The following RAB8B variants were observed in gnomAD, a reference collection of about 807,000 sequenced individuals.
The protein encoded by RAB8B is RAB8B, member RAS oncogene family.
In RAB8B, 11 loss-of-function variants were observed where a neutral mutation model predicts 32.0. The ratio of observed to expected loss-of-function variants is 0.34; its 90% CI spans 0.22 to 0.57. The LOEUF (loss-of-function observed/expected upper bound fraction) is 0.57. Ranked by LOEUF, RAB8B falls within the 20% of genes least tolerant of loss-of-function variation. The pLI is 0.86. For synonymous variants in RAB8B, 103 were observed against 89.6 expected (o/e 1.15, Z -0.85); for missense variants, 190 against 258.5 (o/e 0.73, Z 1.82).
chr15:63,210,617 C>T (rs2037738793), intron 1 of RAB8B, among the ~76,000 whole-genome samples: 1 of 152,154 alleles, frequency 6.6e-6, no homozygotes, highest in Admixed American at 6.5e-5. Context: ...CACACCAAAG[C>T]ACTGAGATAA....
chr15:63,198,532 T>A (rs2037622153), intron 1 of RAB8B, among the ~76,000 whole-genome samples: 1 of 152,092 alleles, frequency 6.6e-6, no homozygotes, highest in Non-Finnish European at 1.5e-5. Flanking sequence ...CTCAGTTAGG[T>A]ATAGAATCCC....
rs138108296 is a variant in RAB8B, at chr15:63,217,769, C to T, written c.125-26987C>T. ...GTAAAACGTGATAAAGACAGTTTTT[C>T]GGGAGAGAGAAGGGTAGATCGCTAT... On this transcript the variant is annotated intron_variant, in intron 1 of 7. Transcript: ENST00000321437. Among the ~76,000 whole-genome samples, 462 of 152,154 alleles carry T rather than the reference C, an allele frequency of 3.0e-3. 1 individual carries two copies. Among genetic ancestry groups the T allele is most frequent in the Non-Finnish European group, 4.6e-3 (316 of 67,984 alleles).
At chr15:63,190,597 G>T (rs1230294872) in intron 1 of RAB8B, among the ~76,000 whole-genome samples, 1 of 152,184 alleles carries the variant, frequency 6.6e-6, no homozygotes, top group African/African-American at 2.4e-5. Flanking sequence ...AAGTGCAGGA[G>T]AAAGCAAAAT....
chr15:63,199,670 TG>T (rs1271518835), intron 1 of RAB8B, among the ~76,000 whole-genome samples: 1 of 152,184 alleles, frequency 6.6e-6, no homozygotes, highest in Non-Finnish European at 1.5e-5. Flanking sequence ...GTTTGTTTTT[TG>T]TTTCTTTGTG....
intron 1 of RAB8B, among the ~76,000 whole-genome samples, chr15:63,204,150 C>T (rs985861347): frequency 2.0e-5 from 3 of 151,852 alleles, no homozygotes; most frequent in Non-Finnish European, 4.4e-5. Context: ...AAAATATGAG[C>T]GGGAGCATTC....
At chr15:63,218,483 A>T (rs1038397361) in intron 1 of RAB8B, among the ~76,000 whole-genome samples, 1 of 152,170 alleles carries the variant, frequency 6.6e-6, no homozygotes, top group Non-Finnish European at 1.5e-5. Context: ...GGGTTATCTA[A>T]TCTGAAGCTC....
chr15:63,238,787 A>G (rs1263361195), intron 1 of RAB8B, among the ~76,000 whole-genome samples: 2 of 152,184 alleles, frequency 1.3e-5, no homozygotes, highest in Non-Finnish European at 2.9e-5. Context: ...CTAAATTTAG[A>G]GAATGGATTT....
intron 3 of RAB8B, among the ~76,000 whole-genome samples, chr15:63,252,974 C>T (rs1238219846): frequency 6.6e-6 from 1 of 152,228 alleles, no homozygotes; most frequent in African/African-American, 2.4e-5. Context: ...TCTCAAACTC[C>T]TGATCTCAGG....
chr15:63,259,436 A>AT lies in RAB8B; in HGVS notation c.415-190dup, dbSNP rs1332407917. Among the ~76,000 whole-genome samples, 2 of 152,328 alleles carry AT rather than the reference A, an allele frequency of 1.3e-5. No individual in the cohort carries two copies. The highest frequency in any genetic ancestry group is 4.8e-5 in the African/African-American group (2 of 41,586). On this transcript the variant is annotated intron_variant, in intron 5 of 7. Coordinates refer to ENST00000321437, the MANE Select transcript of RAB8B (RefSeq NM_016530.3). This position sits in a 1 kb window ranked among gnomAD's most constrained non-coding sequence, Gnocchi z 4.4. ...TTATGTTTGAAATGGAAGTTGTGCC[A>AT]TCCTTCTTACGATGATTAAGTTAAA... is the stretch of plus-strand genomic sequence containing the variant.
At chr15:63,214,269 G>A (rs1400658806) in intron 1 of RAB8B, among the ~76,000 whole-genome samples, 1 of 149,538 alleles carries the variant, frequency 6.7e-6, no homozygotes, top group Non-Finnish European at 1.5e-5. Context: ...TTGGAAATGG[G>A]TACGCTCAGT....
intron 1 of RAB8B, chr15:63,223,706 G>C (rs1246877151): frequency 3.9e-6 from 1 of 256,370 alleles, no homozygotes; most frequent in Non-Finnish European, 8.1e-6. Context: ...ACTTGTACTG[G>C]TTGTTAAGTG....
At chr15:63,200,477 T>C (rs958837777) in intron 1 of RAB8B, among the ~76,000 whole-genome samples, 1 of 152,184 alleles carries the variant, frequency 6.6e-6, no homozygotes, top group Admixed American at 6.5e-5. Flanking sequence ...TTTCAAATAG[T>C]CTCATTTACT....
At chr15:63,241,075 G>C (rs976843431) in intron 1 of RAB8B, among the ~76,000 whole-genome samples, 19 of 152,204 alleles carry the variant, frequency 1.2e-4, no homozygotes, top group African/African-American at 4.3e-4. Flanking sequence ...GGGCAGGCTA[G>C]CTCACACCTG....
intron 1 of RAB8B, among the ~76,000 whole-genome samples, chr15:63,210,262 A>G (rs1343537742): frequency 2.0e-5 from 3 of 152,208 alleles, no homozygotes; most frequent in Non-Finnish European, 4.4e-5. Flanking sequence ...GGCCCTCTCT[A>G]GAGCTGTCAG....
At chr15:63,213,152 A>C (rs1251111839) in intron 1 of RAB8B, among the ~76,000 whole-genome samples, 2 of 152,188 alleles carry the variant, frequency 1.3e-5, no homozygotes, top group African/African-American at 4.8e-5. Flanking sequence ...CAGCTTGTAC[A>C]CAGATTAATT....
intron 1 of RAB8B, among the ~76,000 whole-genome samples, chr15:63,207,238 T>C (rs753849381): frequency 1.3e-5 from 2 of 152,182 alleles, no homozygotes; most frequent in Non-Finnish European, 2.9e-5. Context: ...CGAGTGCACA[T>C]ATCAGATCCA....
rs1378921722 is a variant in RAB8B, at chr15:63,248,895, A to G, written c.186-750A>G. Among the ~76,000 whole-genome samples, 1 of 152,186 alleles carries G rather than the reference A, an allele frequency of 6.6e-6. No individual in the cohort carries two copies. Among genetic ancestry groups the G allele is most frequent in the Non-Finnish European group, 1.5e-5 (1 of 68,028 alleles). Reference sequence around the variant, plus strand: ...CTGGCTGGAAGTGGGAAATTTGAGAATATTGATTTTCTCAAGTATCAAGGA... The same window carrying G: ...CTGGCTGGAAGTGGGAAATTTGAGAGTATTGATTTTCTCAAGTATCAAGGA... On this transcript the variant is annotated intron_variant, in intron 2 of 7. Transcript: ENST00000321437. This position sits in a 1 kb window ranked among gnomAD's most constrained non-coding sequence, Gnocchi z 4.4.
At chr15:63,211,192 TCTTTTGGCCTAA>T (rs1381308598) in intron 1 of RAB8B, among the ~76,000 whole-genome samples, 2 of 152,268 alleles carry the variant, frequency 1.3e-5, no homozygotes, top group Non-Finnish European at 2.9e-5. Flanking sequence ...TGTTAAAATC[TCTTTTGGCCTAA>T]CTTTTCTTTA....
At chr15:63,196,807 A>G (rs1432082854) in intron 1 of RAB8B, among the ~76,000 whole-genome samples, 1 of 152,230 alleles carries the variant, frequency 6.6e-6, no homozygotes, top group Non-Finnish European at 1.5e-5. Context: ...TCTTTCTATA[A>G]TCAGTTTGAA....
Sources: gnomAD v4.1 joint callset for allele counts (sites outside exome capture counted in the v4.1 genomes callset) on GRCh38, gnomAD v4.1.1 for gene constraint, Gnocchi (gnomAD v3.1) non-coding constraint, MANE v1.5 for transcripts, NCBI Gene and HGNC (gene_info 2026-07-23, HGNC 2026-07-21) for gene names.